Variants in MYCBP2 observed in about 807,000 individuals in gnomAD.
The protein encoded by MYCBP2 is E3 ubiquitin-protein ligase MYCBP2.
MYCBP2 carries 120 observed loss-of-function variants against 525.3 expected under a neutral mutation model. That is an observed-to-expected ratio of 0.23 (90% CI 0.20 to 0.27). The LOEUF (loss-of-function observed/expected upper bound fraction) is 0.27, where lower values mean the gene tolerates loss of function less well. Ranked by LOEUF, MYCBP2 falls within the 10% of genes least tolerant of loss-of-function variation. MYCBP2 has a pLI of 1.00. For missense variants in MYCBP2, 4,149 were observed against 5,657.1 expected (o/e 0.73, Z 8.55); for synonymous variants, 1,894 against 1,955.8 (o/e 0.97, Z 0.83).
chr13:77,142,927 G>T (rs1349596052), intron 49 of MYCBP2, among the ~76,000 whole-genome samples: 2 of 152,148 alleles, frequency 1.3e-5, no homozygotes, highest in Non-Finnish European at 2.9e-5. Context: ...GAATACTTCT[G>T]GTGCCAAGCA....
intron 40 of MYCBP2, among the ~76,000 whole-genome samples, chr13:77,167,482 A>G (rs1049507482): frequency 3.9e-5 from 6 of 152,154 alleles, no homozygotes; most frequent in African/African-American, 1.4e-4. Context: ...TCAAGGGAAC[A>G]AAAAGAGAGA....
chr13:77,230,235 C>T (rs767877755), intron 18 of MYCBP2, among the ~76,000 whole-genome samples: 1 of 152,124 alleles, frequency 6.6e-6, no homozygotes, highest in Non-Finnish European at 1.5e-5. Context: ...ACAGTTCTTA[C>T]TCTCCTTACA....
chr13:77,096,321 T>G lies in MYCBP2; in HGVS notation c.9945A>C (p.Ala3315=), dbSNP rs200865918. ...EKYLREKQAA[A]REKVKQSRRK... The stretch of plus-strand genomic sequence containing the variant: ...AAATGGAATAAAATACCTTCTCCCT[T>G]GCAGCAGCCTGTTTTTCGCGGAGGT... Residue 3315 remains alanine, a synonymous_variant, in exon 57 of 83, where the codon GCA becomes GCC. Coordinates refer to ENST00000544440, the MANE Select transcript of MYCBP2 (RefSeq NM_015057.5). The G allele has an allele frequency of 6.8e-6, 11 of 1,612,994 alleles. No homozygotes were observed. The Admixed American group carries it at 1.8e-4, about 27-fold the overall frequency.
chr13:77,102,008 CA>C (rs1274021974), intron 55 of MYCBP2, among the ~76,000 whole-genome samples: 2 of 151,808 alleles, frequency 1.3e-5, no homozygotes, highest in Non-Finnish European at 1.5e-5. Flanking sequence ...AATATGCAAA[CA>C]TTTTTCTAAC....
chr13:77,132,034 T>C (rs2052963111), intron 52 of MYCBP2, among the ~76,000 whole-genome samples: 1 of 152,116 alleles, frequency 6.6e-6, no homozygotes, highest in African/African-American at 2.4e-5. Context: ...CTCAGGAAAA[T>C]TAAGAATAGC....
At chr13:77,209,328 C>T (rs2063709889) in intron 23 of MYCBP2, among the ~76,000 whole-genome samples, 1 of 152,220 alleles carries the variant, frequency 6.6e-6, no homozygotes, top group Admixed American at 6.5e-5. Context: ...ACTGTTATTG[C>T]TAACTTAGTG....
chr13:77,232,881 C>T (rs1566993954), intron 18 of MYCBP2, among the ~76,000 whole-genome samples: 4 of 152,052 alleles, frequency 2.6e-5, no homozygotes, highest in Admixed American at 6.5e-5. Flanking sequence ...TTTTTTCCAC[C>T]TTCCCTTAAC....
chr13:77,316,410 G>A (rs2080942591), intron 1 of MYCBP2, among the ~76,000 whole-genome samples: 1 of 152,218 alleles, frequency 6.6e-6, no homozygotes, highest in Non-Finnish European at 1.5e-5. Context: ...CAAAGGCAAT[G>A]CCCATATTGG....
intron 15 of MYCBP2, among the ~76,000 whole-genome samples, chr13:77,247,152 A>G (rs1426335813): frequency 1.3e-5 from 2 of 152,242 alleles, no homozygotes. Flanking sequence ...CAAAGCAGAA[A>G]GGAAGAAGTA....
intron 62 of MYCBP2, among the ~76,000 whole-genome samples, chr13:77,084,594 T>C (rs185253094): frequency 2.2e-4 from 34 of 152,262 alleles, no homozygotes; most frequent in Middle Eastern, 3.4e-3. Context: ...CCCTTACTCC[T>C]AAGGCATGGT....
intron 55 of MYCBP2, among the ~76,000 whole-genome samples, chr13:77,112,215 G>C (rs2048935255): frequency 6.6e-6 from 1 of 150,748 alleles, no homozygotes; most frequent in South Asian, 2.1e-4. Context: ...TGCTTGTTAT[G>C]ATGGATAACT....
chr13:77,245,349 C>T (rs1262865547), intron 15 of MYCBP2, among the ~76,000 whole-genome samples: 1 of 152,082 alleles, frequency 6.6e-6, no homozygotes, highest in Non-Finnish European at 1.5e-5. Context: ...AGACTTGGAA[C>T]CAACCCAAAT....
At position 77,205,527 on chromosome 13, in the gene MYCBP2, C is replaced by T. The variant is rs1411797476; in HGVS notation, c.3661G>A (p.Ala1221Thr). The change falls in exon 25 of 83, where the codon GCA becomes ACA. Residue 1221 changes from alanine (A) to threonine (T), a missense_variant. This residue lies in a region of MYCBP2 where 620 missense variants were observed against 795.5 expected (regional missense o/e 0.78). Coordinates refer to ENST00000544440, the MANE Select transcript of MYCBP2 (RefSeq NM_015057.5). ...GVASTEEETQ[A>T]VMKVYSKEDY... ...TCTTTAGAATAAACCTTCATTACTG[C>T]TTGAGTCTCTTCCTCTGTACTTGCA... is the stretch of plus-strand genomic sequence containing the variant. 1.4e-5 allele frequency: 22 copies of T among 1,613,530 alleles called. No homozygotes were observed. The highest frequency in any genetic ancestry group is 1.9e-5 in the Non-Finnish European group (22 of 1,179,768).
chr13:77,296,610 T>A lies in MYCBP2; in HGVS notation c.367A>T (p.Thr123Ser), dbSNP rs1427382876. ...ACCAGCAGCTTTACCTTGCTTCTTGTCTTCACTTTTGATTTGCTCTTCTGT... is the reference window on the plus strand; with the variant it reads ...ACCAGCAGCTTTACCTTGCTTCTTGACTTCACTTTTGATTTGCTCTTCTGT... ...RKQKSKSKVKTRSKSENLENT... is the reference protein window; with the variant it reads ...RKQKSKSKVKSRSKSENLENT... The change falls in exon 2 of 83, where the codon ACA (threonine) becomes TCA (serine). Residue 123 changes from threonine (T) to serine (S), a missense_variant. Physicochemically the swap from Thr to Ser is moderately conservative, Grantham distance 58. Around this residue, in one of 21 missense-constraint regions of MYCBP2, gnomAD observed 413 missense variants for 451.2 expected, o/e 0.92. Transcript: ENST00000544440. The A allele has an allele frequency of 6.3e-7, 1 of 1,583,702 alleles. No individual in the cohort carries two copies. The highest frequency in any genetic ancestry group is 1.4e-5 in the African/African-American group (1 of 73,216).
intron 21 of MYCBP2, among the ~76,000 whole-genome samples, chr13:77,213,666 G>T (rs1021091054): frequency 6.6e-6 from 1 of 152,098 alleles, no homozygotes; most frequent in Admixed American, 6.5e-5. Flanking sequence ...ACCCCATAAG[G>T]ACCAGAATGT....
At chr13:77,226,008 A>C (rs922351550) in intron 18 of MYCBP2, among the ~76,000 whole-genome samples, 1 of 152,244 alleles carries the variant, frequency 6.6e-6, no homozygotes, top group Non-Finnish European at 1.5e-5. Flanking sequence ...GATTTCCTAA[A>C]TAGATCTTAG....
intron 1 of MYCBP2, among the ~76,000 whole-genome samples, chr13:77,314,920 G>C (rs1454527519): frequency 1.3e-5 from 2 of 151,932 alleles, no homozygotes; most frequent in Non-Finnish European, 2.9e-5. Flanking sequence ...ACTTAAAACT[G>C]CTCTTAAAAA....
chr13:77,320,400 G>A (rs2081449792), intron 1 of MYCBP2, among the ~76,000 whole-genome samples: 1 of 152,182 alleles, frequency 6.6e-6, no homozygotes, highest in Non-Finnish European at 1.5e-5. Context: ...TGGATTAGGA[G>A]AAACTACATT....
chr13:77,291,090 C>T (rs2077416200), intron 2 of MYCBP2, among the ~76,000 whole-genome samples: 1 of 152,032 alleles, frequency 6.6e-6, no homozygotes, highest in African/African-American at 2.4e-5. Context: ...GCAATTCTTC[C>T]CCCAAAAGCA....
Sources: gnomAD v4.1 joint callset for allele counts (sites outside exome capture counted in the v4.1 genomes callset) on GRCh38, gnomAD v4.1.1 for gene constraint, gnomAD v4.1.1 regional missense constraint, MANE v1.5 for transcripts, NCBI Gene and HGNC (gene_info 2026-07-23, HGNC 2026-07-21) for gene names.